NTM: variants seen among roughly 807,000 people sequenced by gnomAD.
NTM encodes neurotrimin.
In NTM, 13 loss-of-function variants were observed where a neutral mutation model predicts 42.1. The ratio of observed to expected loss-of-function variants is 0.31; its 90% CI spans 0.20 to 0.49. The LOEUF (loss-of-function observed/expected upper bound fraction) is 0.49. NTM is among the 20% of genes least tolerant of loss of function. NTM has a pLI of 0.99. For missense variants in NTM, 373 were observed against 452.8 expected (o/e 0.82, Z 1.60); for synonymous variants, 187 against 179.2 (o/e 1.04, Z -0.35).
At chr11:131,463,545 G>C (rs544503286) in intron 1 of NTM, among the ~76,000 whole-genome samples, 52 of 152,268 alleles carry the variant, frequency 3.4e-4, no homozygotes, top group African/African-American at 1.2e-3. Flanking sequence ...AATGACAGCT[G>C]CTAGTATTAT....
In NTM at chr11:131,873,642, TATATATACACAC is replaced by T. The variant is rs1297035011; in HGVS notation, c.83-37914_83-37903del. 5.0e-4 allele frequency among the ~76,000 whole-genome samples: 64 copies of T among 127,730 alleles called. 4 individuals are homozygous for T. Among genetic ancestry groups the T allele is most frequent in the African/African-American group, 2.1e-3 (57 of 27,268 alleles). 83.8% of individuals were successfully genotyped at this position (127,730 alleles called of 152,430 possible). A position where few individuals can be genotyped will look rare whatever the true frequency, so the allele number is the denominator to read the frequency against. ...ATATATACATATATATATACACATA[TATATATACACAC>T]ATATATATACACATATATATATACA... is the stretch of plus-strand genomic sequence containing the variant. On this transcript the variant is annotated intron_variant, in intron 1 of 8. Transcript: ENST00000683400.
intron 3 of NTM, among the ~76,000 whole-genome samples, chr11:132,184,257 C>G (rs1410472029): frequency 1.3e-5 from 2 of 152,150 alleles, no homozygotes; most frequent in Non-Finnish European, 2.9e-5. Context: ...TCTCTTTGCT[C>G]CTTTGCTCTG....
chr11:131,782,456 T>C (rs1315006530), intron 1 of NTM, among the ~76,000 whole-genome samples: 1 of 151,936 alleles, frequency 6.6e-6, no homozygotes, highest in Non-Finnish European at 1.5e-5. Flanking sequence ...TCTATAGAAA[T>C]AATTTCAGAA....
chr11:132,217,358 C>CTGTGTGTGTGTGTGTGTG (rs375759515), intron 4 of NTM, among the ~76,000 whole-genome samples: 1 of 142,640 alleles, frequency 7.0e-6, no homozygotes, highest in Non-Finnish European at 1.5e-5. Flanking sequence ...CTCTCTCTTT[C>CTGTGTGTGTGTGTGTGTG]TGTGTGTGTG....
At chr11:131,948,645 A>T (rs1438345877) in intron 2 of NTM, among the ~76,000 whole-genome samples, 1 of 152,140 alleles carries the variant, frequency 6.6e-6, no homozygotes, top group Non-Finnish European at 1.5e-5. Flanking sequence ...TCTGCCTGGA[A>T]AGGCCATCCT....
intron 2 of NTM, among the ~76,000 whole-genome samples, chr11:132,143,723 T>C (rs2069684153): frequency 6.6e-6 from 1 of 152,182 alleles, no homozygotes; most frequent in Non-Finnish European, 1.5e-5. Flanking sequence ...ATATAAGCTA[T>C]CCTAGATACA....
chr11:131,904,187 A>G lies in NTM; in HGVS notation c.83-7377A>G, dbSNP rs1051023183. Among the ~76,000 whole-genome samples, 5 of 152,158 alleles carry G rather than the reference A, an allele frequency of 3.3e-5. No individual in the cohort carries two copies. The South Asian group carries it at 1.0e-3, about 32-fold the overall frequency. ...TTTTGGATGGGGAACAAGGAATAAA[A>G]CCTCTAAAGAAAATGAGGGGAAAAG... On this transcript the variant is annotated intron_variant, in intron 1 of 8. Coordinates refer to ENST00000683400, the MANE Select transcript of NTM (RefSeq NM_001352005.2).
intron 1 of NTM, among the ~76,000 whole-genome samples, chr11:131,666,628 C>A (rs2069104676): frequency 6.6e-6 from 1 of 152,170 alleles, no homozygotes; most frequent in Non-Finnish European, 1.5e-5. Context: ...GATCTCTGGG[C>A]AGAGGTTGAC....
At chr11:132,288,610 T>C (rs1185045885) in intron 4 of NTM, among the ~76,000 whole-genome samples, 5 of 152,150 alleles carry the variant, frequency 3.3e-5, no homozygotes, top group Non-Finnish European at 7.3e-5. Flanking sequence ...GGATACTTTT[T>C]TTCTTTCTTT....
intron 1 of NTM, among the ~76,000 whole-genome samples, chr11:131,450,779 C>T (rs553800575): frequency 6.6e-6 from 1 of 152,302 alleles, no homozygotes; most frequent in African/African-American, 2.4e-5. Flanking sequence ...AATATCTGTG[C>T]TGGGCTCTAC....
intron 1 of NTM, among the ~76,000 whole-genome samples, chr11:131,392,040 G>T (rs553473242): frequency 1.3e-5 from 2 of 152,210 alleles, no homozygotes; most frequent in African/African-American, 4.8e-5. Context: ...ATTTGTCAGC[G>T]ATAATTAGAT....
At chr11:132,097,716 C>T (rs868371791) in intron 2 of NTM, among the ~76,000 whole-genome samples, 8 of 152,234 alleles carry the variant, frequency 5.3e-5, no homozygotes, top group South Asian at 2.1e-4. Flanking sequence ...GTAGAGACTT[C>T]GTGAACACTC....
chr11:132,333,363 G>C (rs997194325), intron 8 of NTM, among the ~76,000 whole-genome samples: 3 of 152,096 alleles, frequency 2.0e-5, no homozygotes, highest in African/African-American at 7.2e-5. Context: ...ACCCTTGAAG[G>C]CATCCGGCGG....
At chr11:131,766,862 T>G (rs1312599553) in intron 1 of NTM, among the ~76,000 whole-genome samples, 1 of 152,178 alleles carries the variant, frequency 6.6e-6, no homozygotes, top group Non-Finnish European at 1.5e-5. Flanking sequence ...CCGTAAATAT[T>G]CAGCCACAGC....
intron 2 of NTM, among the ~76,000 whole-genome samples, chr11:131,969,599 A>C (rs1391404434): frequency 6.6e-6 from 1 of 152,116 alleles, no homozygotes; most frequent in Non-Finnish European, 1.5e-5. Flanking sequence ...TTGGGGTTTC[A>C]TAGTTTGGGG....
intron 1 of NTM, among the ~76,000 whole-genome samples, chr11:131,713,960 G>A (rs761203275): frequency 8.5e-5 from 13 of 152,170 alleles, no homozygotes; most frequent in Admixed American, 5.9e-4. Flanking sequence ...CATTCCGCAC[G>A]GGCAGTGGCC....
At chr11:132,020,458 T>C (rs1385357342) in intron 2 of NTM, among the ~76,000 whole-genome samples, 1 of 151,984 alleles carries the variant, frequency 6.6e-6, no homozygotes, top group Non-Finnish European at 1.5e-5. Flanking sequence ...TATAGATAAA[T>C]ATTATAGTGT....
chr11:131,560,279 T>C (rs2056058496), intron 1 of NTM, among the ~76,000 whole-genome samples: 1 of 152,204 alleles, frequency 6.6e-6, no homozygotes. Flanking sequence ...GATCCCGTTC[T>C]TCCTCACTTT....
intron 2 of NTM, among the ~76,000 whole-genome samples, chr11:131,928,930 A>G (rs2058270530): frequency 6.6e-6 from 1 of 151,918 alleles, no homozygotes; most frequent in African/African-American, 2.4e-5. Flanking sequence ...CCTTTCCTTC[A>G]TTTTTTCAAT....
Sources: allele counts gnomAD v4.1 joint callset (sites outside exome capture counted in the v4.1 genomes callset), GRCh38; gene constraint gnomAD v4.1.1; transcripts MANE v1.5; gene names NCBI Gene and HGNC (gene_info 2026-07-23, HGNC 2026-07-21).